The following ATP11B variants were observed in gnomAD, a reference collection of about 807,000 sequenced individuals.
The protein encoded by ATP11B is ATPase phospholipid transporting 11B (putative), also known as phospholipid-transporting ATPase IF.
A neutral mutation model predicts 157.8 loss-of-function variants in ATP11B; 81 were observed. The ratio of observed to expected loss-of-function variants is 0.51; its 90% CI spans 0.43 to 0.62. The LOEUF (loss-of-function observed/expected upper bound fraction) is 0.62, where lower values mean the gene tolerates loss of function less well. ATP11B is among the 20% of genes least tolerant of loss of function. ATP11B has a pLI of 0.00. For synonymous variants in ATP11B, 451 were observed against 469.4 expected, an observed-to-expected ratio of 0.96 and a Z score of 0.51; for missense variants, 1,165 against 1,402.2, an observed-to-expected ratio of 0.83 and a Z score of 2.70.
intron 20 of ATP11B, among the ~76,000 whole-genome samples, 190 bp downstream of exon 20, chr3:182,879,839 A>C (rs77808257): frequency 2.0e-5 from 3 of 152,080 alleles, no homozygotes; most frequent in Non-Finnish European, 2.9e-5. Flanking sequence ...GTGAGTTTCA[A>C]CTATTCATAG....
chr3:182,896,984 T>A (rs1723594555), intron 26 of ATP11B, among the ~76,000 whole-genome samples: 1 of 152,276 alleles, frequency 6.6e-6, no homozygotes, highest in African/African-American at 2.4e-5. Context: ...ATCACATTTT[T>A]AAAAATCTCT....
intron 12 of ATP11B, among the ~76,000 whole-genome samples, chr3:182,859,591 A>G (rs1432263582): frequency 6.6e-6 from 1 of 152,114 alleles, no homozygotes; most frequent in Non-Finnish European, 1.5e-5. Flanking sequence ...ATTATCTACT[A>G]TGGAATATAA....
chr3:182,804,394 C>T (rs1330236637), intron 1 of ATP11B, among the ~76,000 whole-genome samples: 2 of 151,896 alleles, frequency 1.3e-5, no homozygotes, highest in Non-Finnish European at 2.9e-5. Flanking sequence ...TACAGGCACC[C>T]GCCACGACGC....
At chr3:182,837,794 A>G (rs1718670039) in intron 7 of ATP11B, among the ~76,000 whole-genome samples, 1 of 152,068 alleles carries the variant, frequency 6.6e-6, no homozygotes. Flanking sequence ...GAAAGGAGAG[A>G]AAGGAACAGA....
At chr3:182,889,183 A>G (rs1407228438) in intron 24 of ATP11B, among the ~76,000 whole-genome samples, 1 of 152,176 alleles carries the variant, frequency 6.6e-6, no homozygotes. Flanking sequence ...TATCAAATGA[A>G]GAAATATGTT....
chr3:182,855,437 A>G (rs1297168875), intron 10 of ATP11B, among the ~76,000 whole-genome samples: 1 of 152,226 alleles, frequency 6.6e-6, no homozygotes, highest in Non-Finnish European at 1.5e-5. Context: ...CTTTTAGAAG[A>G]AAACAGAATC....
At chr3:182,842,854 G>A (rs925242131) in intron 8 of ATP11B, among the ~76,000 whole-genome samples, 2 of 152,192 alleles carry the variant, frequency 1.3e-5, no homozygotes, top group African/African-American at 4.8e-5. Context: ...ATACAATTCA[G>A]AAGATATTGC....
At chr3:182,901,497 T>A (rs1172223089) in intron 28 of ATP11B, among the ~76,000 whole-genome samples, 2 of 152,202 alleles carry the variant, frequency 1.3e-5, no homozygotes, top group Non-Finnish European at 2.9e-5. Context: ...ATACAAAATC[T>A]GAACTGCTTC....
chr3:182,805,760 C>A (rs143716726), intron 1 of ATP11B, among the ~76,000 whole-genome samples: 17 of 151,886 alleles, frequency 1.1e-4, no homozygotes, highest in African/African-American at 4.1e-4. Context: ...CGCACTGGGC[C>A]GCTTGTTTTT....
chr3:182,875,300 A>G (rs919005852), intron 19 of ATP11B, among the ~76,000 whole-genome samples: 23 of 152,200 alleles, frequency 1.5e-4, no homozygotes, highest in African/African-American at 5.1e-4. Flanking sequence ...TTGTTAATAT[A>G]CATTCAGTGT....
intron 28 of ATP11B, among the ~76,000 whole-genome samples, chr3:182,899,787 G>A (rs1304186741): frequency 6.6e-6 from 1 of 152,040 alleles, no homozygotes; most frequent in Non-Finnish European, 1.5e-5. Flanking sequence ...TACTTAGTAG[G>A]TGCTCAAGGA....
chr3:182,844,824 C>T (rs1231122322), intron 8 of ATP11B, among the ~76,000 whole-genome samples: 3 of 151,858 alleles, frequency 2.0e-5, no homozygotes, highest in South Asian at 2.1e-4. Flanking sequence ...ATTTTTAAAT[C>T]GCTGCTTACT....
chr3:182,859,922 A>G (rs1283759281), intron 12 of ATP11B, among the ~76,000 whole-genome samples: 1 of 150,062 alleles, frequency 6.7e-6, no homozygotes, highest in African/African-American at 2.5e-5. Flanking sequence ...GGTAATCTAG[A>G]AGTTCCTTTC....
At chr3:182,902,150 A>T (rs1724012009) in intron 28 of ATP11B, among the ~76,000 whole-genome samples, 2 of 152,204 alleles carry the variant, frequency 1.3e-5, no homozygotes, top group African/African-American at 4.8e-5. Context: ...CTGATTTCAA[A>T]TGATGGAGAA....
In ATP11B at chr3:182,857,865, T is replaced by C. The variant is rs1179260776; in HGVS notation, c.852-13T>C. The C allele has an allele frequency of 8.3e-6, 12 of 1,450,416 alleles. No homozygotes were observed. The highest frequency in any genetic ancestry group is 1.2e-5 in the Non-Finnish European group (12 of 1,043,242). The allele number at this position is 1,450,416 out of a possible 1,614,324, so 89.8% of individuals were successfully genotyped here. ...TGAGTTGTATGTTTTATATTCTCTT[T>C]TTCTTCCTTAAGGTCAATGAATACA... is the stretch of plus-strand genomic sequence containing the variant. On this transcript the variant is annotated splice_polypyrimidine_tract_variant and intron_variant, in intron 10 of 29. Transcript: ENST00000323116.
chr3:182,846,218 C>T (rs73050652), intron 9 of ATP11B, among the ~76,000 whole-genome samples: 20,401 of 151,832 alleles, frequency 0.13, 1,637 homozygotes, highest in African/African-American at 0.23. Flanking sequence ...ATCTTCTTTC[C>T]CATTTGCTCT....
At chr3:182,849,208 T>C (rs1719772154) in intron 10 of ATP11B, among the ~76,000 whole-genome samples, 1 of 152,198 alleles carries the variant, frequency 6.6e-6, no homozygotes, top group Non-Finnish European at 1.5e-5. Context: ...GAACTATACA[T>C]GTGCAAGGGA....
chr3:182,878,744 T>C (rs960184996), intron 19 of ATP11B, among the ~76,000 whole-genome samples: 1 of 152,240 alleles, frequency 6.6e-6, no homozygotes, highest in African/African-American at 2.4e-5. Context: ...AAGACAGTGC[T>C]GTTCCTTCAT....
rs1375282462 is a variant in ATP11B at position 182,865,604 on chromosome 3, T to C, written c.1349T>C (p.Leu450Ser). Reference sequence around the variant, plus strand: ...ACACCAGACTCTTCAGAAGGAAACTTATCTTATCTTAGTAGTTTATCCCAT... The same window carrying C: ...ACACCAGACTCTTCAGAAGGAAACTCATCTTATCTTAGTAGTTTATCCCAT... ...GPTPDSSEGN[L>S]SYLSSLSHLN... The change falls in exon 13 of 30, where the codon TTA becomes TCA. Residue 450 changes from leucine to serine, a missense_variant. Transcript: ENST00000323116. 1 of 1,613,672 alleles carries C rather than the reference T, an allele frequency of 6.2e-7. No individual in the cohort carries two copies. Among genetic ancestry groups the C allele is most frequent in the Non-Finnish European group, 8.5e-7 (1 of 1,179,768 alleles).
Sources: allele counts gnomAD v4.1 joint callset (sites outside exome capture counted in the v4.1 genomes callset), GRCh38; gene constraint gnomAD v4.1.1; transcripts MANE v1.5; gene names NCBI Gene and HGNC (gene_info 2026-07-23, HGNC 2026-07-21).